DCC: variants seen among roughly 807,000 people sequenced by gnomAD.
DCC encodes the protein DCC netrin 1 receptor.
Under a neutral mutation model 172.5 loss-of-function variants are expected in DCC, and 58 were observed. The observed-to-expected ratio is 0.34, with a 90% confidence interval of 0.27 to 0.42. The LOEUF (loss-of-function observed/expected upper bound fraction) is 0.42. Among genes scored for constraint, DCC ranks in the 10% least tolerant of loss-of-function variants. DCC has a pLI of 1.00. For synonymous variants in DCC, 709 were observed against 644.5 expected, an observed-to-expected ratio of 1.10 and a Z score of -1.52; for missense variants, 1,740 against 1,791.0, an observed-to-expected ratio of 0.97 and a Z score of 0.51.
intron 2 of DCC, among the ~76,000 whole-genome samples, chr18:52,833,459 C>A (rs757856334): frequency 1.3e-5 from 2 of 152,056 alleles, no homozygotes; most frequent in African/African-American, 4.8e-5. Flanking sequence ...CATCCCCTGC[C>A]CAATGACATT....
At chr18:53,241,673 G>C (rs1337867366) in intron 12 of DCC, among the ~76,000 whole-genome samples, 2 of 152,148 alleles carry the variant, frequency 1.3e-5, no homozygotes, top group African/African-American at 4.8e-5. Context: ...ATGGTGCCTG[G>C]GCTGGAAATA....
intron 1 of DCC, among the ~76,000 whole-genome samples, chr18:52,414,417 T>C (rs900684197): frequency 1.3e-5 from 2 of 152,142 alleles, no homozygotes; most frequent in Admixed American, 1.3e-4. Context: ...CAATGCTTTA[T>C]CTTGCTTTTA....
chr18:53,210,747 T>A (rs1296819374), intron 11 of DCC, among the ~76,000 whole-genome samples: 1 of 152,146 alleles, frequency 6.6e-6, no homozygotes, highest in Non-Finnish European at 1.5e-5. Context: ...GAAAAATTTT[T>A]AAAAAAGCAA....
chr18:52,560,532 CTCTCCCAGATAG>C (rs1019144750), intron 1 of DCC, among the ~76,000 whole-genome samples: 1 of 152,074 alleles, frequency 6.6e-6, no homozygotes, highest in African/African-American at 2.4e-5. Context: ...AACTAGTGAG[CTCTCCCAGATAG>C]TCTCCCACTT....
intron 12 of DCC, among the ~76,000 whole-genome samples, chr18:53,255,822 T>C (rs1337945269): frequency 2.6e-5 from 4 of 152,106 alleles, no homozygotes; most frequent in African/African-American, 4.8e-5. Context: ...AGTTTACAGT[T>C]CCACCAACAG....
At chr18:53,370,181 G>T (rs1000254331) in intron 15 of DCC, among the ~76,000 whole-genome samples, 5 of 151,664 alleles carry the variant, frequency 3.3e-5, no homozygotes, top group Non-Finnish European at 7.4e-5. Flanking sequence ...AGTCTTGGTT[G>T]GTAGTATGTT....
intron 1 of DCC, among the ~76,000 whole-genome samples, chr18:52,525,834 G>T (rs1038964877): frequency 1.3e-5 from 2 of 152,156 alleles, no homozygotes; most frequent in African/African-American, 4.8e-5. Flanking sequence ...GGAAGCCAAA[G>T]ATGATGAATC....
In DCC at chr18:53,531,586, CCT is replaced by C. The variant is rs1432358719; in HGVS notation, c.*934_*935del. The C allele has an allele frequency of 1.3e-5, 2 of 152,418 alleles. No individual in the cohort carries two copies. The highest frequency in any genetic ancestry group is 2.9e-5 in the Non-Finnish European group (2 of 68,058). 9.4% of individuals were successfully genotyped at this position (152,418 alleles called of 1,614,324 possible). A position where few individuals can be genotyped will look rare whatever the true frequency, so the allele number is the denominator to read the frequency against. Reference sequence around the variant, plus strand: ...TTCACCCCATCCCTCCCTGAGTTCTCCTTGGCAACTAGCGTTGGGTGAAATGG... The same window carrying C: ...TTCACCCCATCCCTCCCTGAGTTCTCTGGCAACTAGCGTTGGGTGAAATGG... On this transcript the variant is annotated 3_prime_UTR_variant, in exon 29 of 29. Transcript: ENST00000442544.
At chr18:53,067,503 C>A (rs2042590281) in intron 7 of DCC, among the ~76,000 whole-genome samples, 1 of 152,130 alleles carries the variant, frequency 6.6e-6, no homozygotes, top group Non-Finnish European at 1.5e-5. Context: ...ACCTGGGCAA[C>A]AGAGCAAGAC....
At chr18:52,865,159 C>T (rs926170122) in intron 2 of DCC, among the ~76,000 whole-genome samples, 53 of 152,206 alleles carry the variant, frequency 3.5e-4, no homozygotes, top group Non-Finnish European at 2.4e-4. Flanking sequence ...GCCACCACAC[C>T]CGCCTGAACT....
At chr18:52,610,179 ATATATATATATATATATAT>A (rs1259029272) in intron 1 of DCC, among the ~76,000 whole-genome samples, 374 of 8,736 alleles carry the variant, frequency 0.043, 59 homozygotes, top group Middle Eastern at 0.17. Flanking sequence ...AAAAAAAAAA[ATATATATATATATATATAT>A]ATATATATAT....
chr18:53,513,913 A>G (rs1384658411), intron 27 of DCC, among the ~76,000 whole-genome samples: 8 of 151,298 alleles, frequency 5.3e-5, no homozygotes, highest in Non-Finnish European at 1.0e-4. Flanking sequence ...ACAAGACAGA[A>G]AGTCAACAAG....
At chr18:52,477,663 A>G (rs1170799626) in intron 1 of DCC, among the ~76,000 whole-genome samples, 1 of 152,090 alleles carries the variant, frequency 6.6e-6, no homozygotes, top group Non-Finnish European at 1.5e-5. Context: ...ACCCCATCTC[A>G]CAAACCCTCT....
chr18:52,824,644 C>G (rs928587432), intron 2 of DCC, among the ~76,000 whole-genome samples: 4 of 151,972 alleles, frequency 2.6e-5, no homozygotes, highest in African/African-American at 7.3e-5. Flanking sequence ...ATGACAGAAC[C>G]CTTCATCTCA....
intron 15 of DCC, among the ~76,000 whole-genome samples, chr18:53,361,347 T>TC (rs941173115): frequency 5.3e-5 from 8 of 152,132 alleles, no homozygotes; most frequent in Non-Finnish European, 8.8e-5. Context: ...TGTTGGACTT[T>TC]CCCCCCCAAT....
intron 1 of DCC, among the ~76,000 whole-genome samples, chr18:52,535,786 C>T (rs993571134): frequency 6.6e-6 from 1 of 151,936 alleles, no homozygotes; most frequent in Non-Finnish European, 1.5e-5. Context: ...CATTCAACAC[C>T]CATTTGCTTA....
chr18:53,512,359 GAAAAAACAGAACA>G (rs2046268001), intron 27 of DCC, among the ~76,000 whole-genome samples: 1 of 150,566 alleles, frequency 6.6e-6, no homozygotes, highest in African/African-American at 2.5e-5. Context: ...CAAAGATGGG[GAAAAAACAGAACA>G]GAAAAACTGG....
At chr18:52,915,763 G>A (rs1428958755) in intron 3 of DCC, among the ~76,000 whole-genome samples, 1 of 151,996 alleles carries the variant, frequency 6.6e-6, no homozygotes, top group African/African-American at 2.4e-5. Flanking sequence ...AGGAAAAGGG[G>A]ACTGAAAGAG....
chr18:53,434,998 G>A (rs1911845815), intron 21 of DCC, 146 bp from the exon 22 acceptor site: 1 of 666,174 alleles, frequency 1.5e-6, no homozygotes, highest in Non-Finnish European at 2.7e-6. Flanking sequence ...TTTTCTTATA[G>A]GTGTAAGGGT....
Sources: allele counts gnomAD v4.1 joint callset (sites outside exome capture counted in the v4.1 genomes callset), GRCh38; gene constraint gnomAD v4.1.1; transcripts MANE v1.5; gene names NCBI Gene and HGNC (gene_info 2026-07-23, HGNC 2026-07-21).